The following HARS1 variants were observed in gnomAD, a reference collection of about 807,000 sequenced individuals.
HARS1 encodes the protein histidyl-tRNA synthetase 1, also known as histidine--tRNA ligase, cytoplasmic.
In HARS1, 45 loss-of-function variants were observed where a neutral mutation model predicts 63.6. That is an observed-to-expected ratio of 0.71 (90% confidence interval 0.56 to 0.91). The LOEUF (loss-of-function observed/expected upper bound fraction) is 0.91, where lower values mean the gene tolerates loss of function less well. Ranked by LOEUF, HARS1 falls within the 40% of genes least tolerant of loss-of-function variation. HARS1 has a pLI of 0.00. For missense variants in HARS1, 508 were observed against 643.2 expected (o/e 0.79, Z 2.27); for synonymous variants, 205 against 247.1 (o/e 0.83, Z 1.60).
At chr5:140,678,582 C>T (rs146560255) in intron 5 of HARS1, 19 of 166,034 alleles carry the variant, frequency 1.1e-4, no homozygotes, top group Middle Eastern at 3.0e-3. Context: ...CGGTGGCTCA[C>T]GCCTGTAATC....
At chr5:140,678,829 G>T in intron 5 of HARS1, 173 bp downstream of exon 5, 1 of 611,538 alleles carries the variant, frequency 1.6e-6, no homozygotes, top group Non-Finnish European at 2.7e-6. Flanking sequence ...GGGCAACAGA[G>T]CGAGACTCCG....
chr5:140,690,861 G>A lies in HARS1; in HGVS notation c.174C>T (p.Thr58=), dbSNP rs761695061. 10 of 1,577,572 alleles carry A rather than the reference G, an allele frequency of 6.3e-6. No individual in the cohort carries two copies. The Admixed American group carries it at 1.2e-4, about 18-fold the overall frequency. ...DESKQKFVLK[T]PKGTRDYSPR... is the part of the protein sequence containing the mutation. ...CCTACAGGAATGATATTACCTTGGG[G>A]GTTTTGAGCACAAATTTCTGTTTGC... The change falls in exon 2 of 13, where the codon ACC becomes ACT. Residue 58 remains threonine, a synonymous_variant. Transcript: ENST00000504156.
At chr5:140,682,937 T>A in intron 3 of HARS1, 163 bp downstream of exon 3, 1 of 598,556 alleles carries the variant, frequency 1.7e-6, no homozygotes, top group South Asian at 2.8e-5. Context: ...AGACAGGGCC[T>A]CTCCCTCCAA....
At chr5:140,675,244 G>A (rs557018313) in intron 10 of HARS1, 111 bp from the exon 11 acceptor site, 5 of 729,022 alleles carry the variant, frequency 6.9e-6, no homozygotes, top group Admixed American at 2.1e-5. Context: ...ACCAGGGCAG[G>A]GGCCCTGTCT....
chr5:140,687,149 G>A (rs901401218), intron 2 of HARS1, among the ~76,000 whole-genome samples: 22 of 152,104 alleles, frequency 1.4e-4, no homozygotes, highest in African/African-American at 1.2e-4. Flanking sequence ...CTACCTTGGC[G>A]TGCAGAAGTG....
At position 140,679,193 on chromosome 5, in the gene HARS1, A is replaced by G. The variant is rs1581509711; in HGVS notation, c.397-66T>C. The G allele has an allele frequency of 6.4e-7, 1 of 1,559,006 alleles. No individual in the cohort carries two copies. The highest frequency in any genetic ancestry group is 8.8e-7 in the Non-Finnish European group (1 of 1,134,826). ...GTCTGCAAGTTGATTATCATCACCAACAGAAGCTGGGGTCTAACCCCTCCC... is the reference window on the plus strand; with the variant it reads ...GTCTGCAAGTTGATTATCATCACCAGCAGAAGCTGGGGTCTAACCCCTCCC... On this transcript the variant is annotated intron_variant, in intron 4 of 12. Coordinates refer to ENST00000504156, the MANE Select transcript of HARS1 (RefSeq NM_002109.6). The surrounding 1 kb of genome is among the most constrained non-coding windows in gnomAD (Gnocchi z 4.3).
chr5:140,679,657 G>T lies in HARS1; in HGVS notation c.396+131C>A. The T allele has an allele frequency of 1.7e-6, 1 of 572,122 alleles. No homozygotes were observed. Among genetic ancestry groups the T allele is most frequent in the Admixed American group, 3.4e-5 (1 of 29,530 alleles). The allele number at this position is 572,122 out of a possible 1,614,324, so 35.4% of individuals were successfully genotyped here. A position where few individuals can be genotyped will look rare whatever the true frequency, so the allele number is the denominator to read the frequency against. The stretch of plus-strand genomic sequence containing the variant: ...TCTGTTTAGCCAAAGTTCCACTCCT[G>T]GTTTAGAGAAATAATTCCCCTAATC... On this transcript the variant is annotated intron_variant, in intron 4 of 12. Transcript: ENST00000504156. This position sits in a 1 kb window ranked among gnomAD's most constrained non-coding sequence, Gnocchi z 4.3.
In HARS1 at chr5:140,674,692, G is replaced by C. The variant is rs147372931; in HGVS notation, c.1445C>G (p.Thr482Arg). The C allele has an allele frequency of 3.8e-5, 61 of 1,614,050 alleles. No homozygotes were observed. The African/African-American group carries it at 7.5e-4, about 20-fold the overall frequency. Residue 482 changes from threonine (T) to arginine (R), a missense_variant, in exon 12 of 13, where the codon ACG becomes AGG. By Grantham distance (71) the Thr-to-Arg change is moderately conservative (BLOSUM62 -1). This residue lies in a region of HARS1 where 403 missense variants were observed against 548.7 expected (regional missense o/e 0.73). Coordinates refer to ENST00000504156, the MANE Select transcript of HARS1 (RefSeq NM_002109.6). The stretch of plus-strand genomic sequence containing the variant: ...CACCTCCCTCACCTCTTCCCTGCTC[G>C]TCACTGAACGGAGCTTGATGACCCC... ...KDGVIKLRSV[T>R]SREEVDVRRE...
At chr5:140,683,946 C>T (rs915194725) in intron 2 of HARS1, 2 of 152,456 alleles carry the variant, frequency 1.3e-5, no homozygotes, top group East Asian at 3.8e-4. Flanking sequence ...CAAGATTGCA[C>T]CACTGCACTC....
chr5:140,690,171 G>A (rs1448258158), intron 2 of HARS1, among the ~76,000 whole-genome samples: 1 of 152,124 alleles, frequency 6.6e-6, no homozygotes, highest in Non-Finnish European at 1.5e-5. Flanking sequence ...ACATGTGGTG[G>A]CCGGGTGCGG....
rs1472642836 is a variant in HARS1, at chr5:140,679,899, A to G, written c.301-16T>C. The G allele has an allele frequency of 7.4e-7, 1 of 1,342,320 alleles. No individual in the cohort carries two copies. Among genetic ancestry groups the G allele is most frequent in the African/African-American group, 1.4e-5 (1 of 69,600 alleles). 83.2% of individuals were successfully genotyped at this position (1,342,320 alleles called of 1,614,324 possible). The stretch of plus-strand genomic sequence containing the variant: ...TCAGTGTTTCCTGGAGAAAACATAA[A>G]TAAATGTGGTCATAATAATAAACAT... On this transcript the variant is annotated splice_polypyrimidine_tract_variant and intron_variant, in intron 3 of 12. Transcript: ENST00000504156. This position sits in a 1 kb window ranked among gnomAD's most constrained non-coding sequence, Gnocchi z 4.3.
intron 2 of HARS1, among the ~76,000 whole-genome samples, chr5:140,687,051 T>G (rs967333173): frequency 6.6e-6 from 1 of 152,238 alleles, no homozygotes; most frequent in Admixed American, 6.5e-5. Context: ...AATTTATCTT[T>G]CAGTTGTTAA....
chr5:140,690,580 G>C (rs1479387834), intron 2 of HARS1, among the ~76,000 whole-genome samples: 1 of 152,170 alleles, frequency 6.6e-6, no homozygotes, highest in Non-Finnish European at 1.5e-5. Flanking sequence ...TAGTGCTAGA[G>C]ACATAGCGCT....
chr5:140,679,866 CT>C lies in HARS1; in HGVS notation c.317del (p.Lys106SerfsTer12). ...VFELKETLMG[K>X]YGEDSKLIYD... Reference sequence around the variant, plus strand: ...AGATAAGCTTGGAGTCTTCCCCATACTTTCCCATCAGTGTTTCCTGGAGAAA... The same window carrying C: ...AGATAAGCTTGGAGTCTTCCCCATACTTCCCATCAGTGTTTCCTGGAGAAA... On this transcript the variant is annotated frameshift_variant, in exon 4 of 13. Coordinates refer to ENST00000504156, the MANE Select transcript of HARS1 (RefSeq NM_002109.6). LOFTEE classifies it high-confidence loss of function. This position sits in a 1 kb window ranked among gnomAD's most constrained non-coding sequence, Gnocchi z 4.3. The C allele has an allele frequency of 1.3e-6, 2 of 1,598,356 alleles. No homozygotes were observed. The highest frequency in any genetic ancestry group is 8.6e-7 in the Non-Finnish European group (1 of 1,165,772).
In HARS1 at chr5:140,676,240, C is replaced by T. The variant is rs940842932; in HGVS notation, c.1194+414G>A. ...TTGATCTATAATGCTTCAGTGTTCTCATCTGGAAAATGCAATTAATAAAAT... is the reference window on the plus strand; with the variant it reads ...TTGATCTATAATGCTTCAGTGTTCTTATCTGGAAAATGCAATTAATAAAAT... On this transcript the variant is annotated intron_variant, in intron 10 of 12. Transcript: ENST00000504156. This position sits in a 1 kb window ranked among gnomAD's most constrained non-coding sequence, Gnocchi z 4.1. 1.7e-5 allele frequency: 3 copies of T among 172,348 alleles called. No individual in the cohort carries two copies. Among genetic ancestry groups the T allele is most frequent in the African/African-American group, 7.2e-5 (3 of 41,872 alleles). 10.7% of individuals were successfully genotyped at this position (172,348 alleles called of 1,614,324 possible).
chr5:140,689,994 C>T (rs1476051886), intron 2 of HARS1, among the ~76,000 whole-genome samples: 1 of 152,190 alleles, frequency 6.6e-6, no homozygotes, highest in South Asian at 2.1e-4. Context: ...CTACCTGGAC[C>T]TATCTTTGTC....
intron 5 of HARS1, chr5:140,678,345 T>C: frequency 2.9e-6 from 1 of 344,284 alleles, no homozygotes; most frequent in East Asian, 6.3e-5. Context: ...ATTTGATGTA[T>C]CAAAGCTAAT....
At chr5:140,690,989 C>T in intron 1 of HARS1, 45 bp from the exon 2 acceptor site, 1 of 1,121,158 alleles carries the variant, frequency 8.9e-7, no homozygotes, top group Non-Finnish European at 1.4e-6. Flanking sequence ...TGTCACTCTC[C>T]TCCCTCCCCC....
At chr5:140,678,894 T>C in intron 5 of HARS1, 108 bp downstream of exon 5, 1 of 1,147,408 alleles carries the variant, frequency 8.7e-7, no homozygotes. Flanking sequence ...CTAAGAGCAT[T>C]ATCTGGGTCA....
Sources: gnomAD v4.1 joint callset for allele counts (sites outside exome capture counted in the v4.1 genomes callset) on GRCh38, gnomAD v4.1.1 for gene constraint, gnomAD v4.1.1 regional missense constraint, Gnocchi (gnomAD v3.1) non-coding constraint, MANE v1.5 for transcripts, NCBI Gene and HGNC (gene_info 2026-07-23, HGNC 2026-07-21) for gene names.